FRMD4A: variants seen among roughly 807,000 people sequenced by gnomAD.
FRMD4A encodes FERM domain-containing protein 4A.
A neutral mutation model predicts 129.1 loss-of-function variants in FRMD4A; 29 were observed. That is an observed-to-expected ratio of 0.22 (90% confidence interval 0.17 to 0.31). The LOEUF is 0.31. Among genes scored for constraint, FRMD4A ranks in the 10% least tolerant of loss-of-function variants. The pLI is 1.00. For missense variants in FRMD4A, 1,272 were observed against 1,375.8 expected (o/e 0.92, Z 1.19); for synonymous variants, 634 against 571.6 (o/e 1.11, Z -1.56).
At chr10:14,158,907 T>C (rs1840740429) in intron 2 of FRMD4A, among the ~76,000 whole-genome samples, 1 of 148,356 alleles carries the variant, frequency 6.7e-6, no homozygotes, top group Non-Finnish European at 1.5e-5. Flanking sequence ...ACCCACCATG[T>C]GGATGAAGAG....
chr10:14,011,738 G>A (rs1259429900), intron 2 of FRMD4A, among the ~76,000 whole-genome samples: 3 of 152,158 alleles, frequency 2.0e-5, no homozygotes, highest in Non-Finnish European at 4.4e-5. Flanking sequence ...GCGGGACACG[G>A]TGGCTCATGC....
intron 2 of FRMD4A, among the ~76,000 whole-genome samples, chr10:13,970,455 G>T (rs1033723700): frequency 1.3e-5 from 2 of 152,132 alleles, no homozygotes; most frequent in African/African-American, 4.8e-5. Context: ...GGGACGGGTG[G>T]TTTAGCCAGT....
intron 2 of FRMD4A, among the ~76,000 whole-genome samples, chr10:14,002,091 G>T (rs1236101842): frequency 6.6e-6 from 1 of 152,212 alleles, no homozygotes; most frequent in Non-Finnish European, 1.5e-5. Flanking sequence ...AATGAATGAT[G>T]TGGGTACAAA....
chr10:13,678,602 G>A (rs1379843661), intron 15 of FRMD4A, among the ~76,000 whole-genome samples: 1 of 152,214 alleles, frequency 6.6e-6, no homozygotes, highest in African/African-American at 2.4e-5. Context: ...GCATGTGTGC[G>A]CACGCGCACG....
intron 12 of FRMD4A, among the ~76,000 whole-genome samples, chr10:13,725,916 T>A (rs1225879169): frequency 6.6e-6 from 1 of 152,232 alleles, no homozygotes; most frequent in African/African-American, 2.4e-5. Flanking sequence ...AGACTACATC[T>A]ATTCTGTGTC....
intron 12 of FRMD4A, among the ~76,000 whole-genome samples, chr10:13,732,970 G>A (rs2090412319): frequency 6.6e-6 from 1 of 152,224 alleles, no homozygotes; most frequent in Non-Finnish European, 1.5e-5. Flanking sequence ...CTGGTCGGAG[G>A]TGTAGGTGAG....
intron 2 of FRMD4A, among the ~76,000 whole-genome samples, chr10:13,936,129 C>T (rs1183396009): frequency 1.3e-5 from 2 of 152,192 alleles, no homozygotes; most frequent in African/African-American, 4.8e-5. Flanking sequence ...ATAATTCTTA[C>T]CCTTTAGGTG....
chr10:13,814,600 AAAAAAAAG>A lies in FRMD4A; in HGVS notation c.112-3700_112-3693del, dbSNP rs1474099731. Among the ~76,000 whole-genome samples, 53 of 142,540 alleles carry A rather than the reference AAAAAAAAG, an allele frequency of 3.7e-4. 1 individual carries two copies. Among genetic ancestry groups the A allele is most frequent in the African/African-American group, 1.0e-3 (42 of 40,220 alleles). The allele number at this position is 142,540 out of a possible 152,430, so 93.5% of individuals were successfully genotyped here. A position where few individuals can be genotyped will look rare whatever the true frequency, so the allele number is the denominator to read the frequency against. On this transcript the variant is annotated intron_variant, in intron 3 of 24. Transcript: ENST00000357447. ...TGTTTCAAAAAAAAAAAAAAAAAAA[AAAAAAAAG>A]AAAGAAAGGGAAAGAGAGAGAGAAA...
chr10:13,698,204 T>C (rs1174074495), intron 14 of FRMD4A, among the ~76,000 whole-genome samples: 3 of 152,168 alleles, frequency 2.0e-5, no homozygotes, highest in Admixed American at 6.5e-5. Flanking sequence ...TGAACCCTCA[T>C]GGCTCCCTAC....
intron 2 of FRMD4A, among the ~76,000 whole-genome samples, chr10:14,273,552 C>G (rs1049658901): frequency 3.9e-5 from 6 of 152,118 alleles, no homozygotes; most frequent in Non-Finnish European, 8.8e-5. Flanking sequence ...GTCTACTCTG[C>G]TCATCTTTTC....
At chr10:13,679,474 T>TATATATACACAC (rs1308155926) in intron 15 of FRMD4A, among the ~76,000 whole-genome samples, 3 of 31,488 alleles carry the variant, frequency 9.5e-5, no homozygotes, top group Admixed American at 1.1e-3. Context: ...TATATATATA[T>TATATATACACAC]ACACACACAC....
chr10:13,871,912 G>C (rs997586271), intron 2 of FRMD4A, among the ~76,000 whole-genome samples: 54 of 152,348 alleles, frequency 3.5e-4, no homozygotes, highest in African/African-American at 1.3e-3. Flanking sequence ...TCAGAGCCAG[G>C]CTCCAGAGCT....
At chr10:13,909,909 C>A (rs1178525156) in intron 2 of FRMD4A, among the ~76,000 whole-genome samples, 2 of 152,178 alleles carry the variant, frequency 1.3e-5, no homozygotes, top group Admixed American at 6.5e-5. Context: ...TGGCCAATCT[C>A]TTTTAAGTCC....
chr10:13,720,376 A>G (rs2089299420), intron 12 of FRMD4A, among the ~76,000 whole-genome samples: 1 of 152,138 alleles, frequency 6.6e-6, no homozygotes, highest in Non-Finnish European at 1.5e-5. Context: ...GCATCAATCA[A>G]TGAGGCCACT....
intron 3 of FRMD4A, among the ~76,000 whole-genome samples, chr10:13,838,912 G>A (rs1342492948): frequency 1.3e-5 from 2 of 149,566 alleles, no homozygotes; most frequent in African/African-American, 4.9e-5. Context: ...CCAGGACATT[G>A]AATAAAAACC....
In FRMD4A at chr10:13,682,593, C is replaced by T. The variant is rs554411150; in HGVS notation, c.1118-7549G>A. Among the ~76,000 whole-genome samples the T allele has an allele frequency of 8.0e-5, 12 of 149,300 alleles. 1 individual carries two copies. Among genetic ancestry groups the T allele is most frequent in the Admixed American group, 2.0e-4 (3 of 14,934 alleles). ...TTGGCTCACTGCAACCTCCACCTCC[C>T]GGGTTCAAGTGATTCTCCTGCCTCA... is the stretch of plus-strand genomic sequence containing the variant. On this transcript the variant is annotated intron_variant, in intron 15 of 24. Coordinates refer to ENST00000357447, the MANE Select transcript of FRMD4A (RefSeq NM_018027.5).
chr10:13,839,520 A>C (rs1224957159), intron 3 of FRMD4A, among the ~76,000 whole-genome samples: 2 of 152,186 alleles, frequency 1.3e-5, no homozygotes. Context: ...TAAGGTTTTC[A>C]CTGAGACCCC....
intron 2 of FRMD4A, among the ~76,000 whole-genome samples, chr10:14,020,226 GC>G (rs1368371553): frequency 6.6e-6 from 1 of 152,188 alleles, no homozygotes; most frequent in African/African-American, 2.4e-5. Flanking sequence ...CACGAACCCA[GC>G]AGCATAGCAG....
intron 22 of FRMD4A, chr10:13,655,750 TCTGA>T (rs1415835513): frequency 6.6e-6 from 1 of 152,212 alleles, no homozygotes; most frequent in Non-Finnish European, 1.5e-5. Context: ...CCCATTTGCT[TCTGA>T]CTCTCATTTT....
Sources: gnomAD v4.1 joint callset for allele counts (sites outside exome capture counted in the v4.1 genomes callset) on GRCh38, gnomAD v4.1.1 for gene constraint, MANE v1.5 for transcripts, NCBI Gene and HGNC (gene_info 2026-07-23, HGNC 2026-07-21) for gene names.